NDUFS4: variants seen among roughly 807,000 people sequenced by gnomAD.
NDUFS4 encodes the protein NADH:ubiquinone oxidoreductase subunit S4.
In NDUFS4, 28 loss-of-function variants were observed where a neutral mutation model predicts 24.3. The observed-to-expected ratio is 1.15, with a 90% CI of 0.85 to 1.58. The LOEUF (loss-of-function observed/expected upper bound fraction) is 1.58, where lower values mean the gene tolerates loss of function less well. NDUFS4 is among the 40% of genes most tolerant of loss of function. The pLI is 0.00. For missense variants in NDUFS4, 223 were observed against 207.9 expected (o/e 1.07, Z -0.45); for synonymous variants, 93 against 69.7 (o/e 1.34, Z -1.67).
intron 1 of NDUFS4, among the ~76,000 whole-genome samples, chr5:53,586,174 C>T (rs914482928): frequency 1.3e-5 from 2 of 150,856 alleles, no homozygotes; most frequent in African/African-American, 4.9e-5. Context: ...ACTAAAAATA[C>T]AAAAATTAGC....
chr5:53,603,760 G>T (rs991493479), intron 2 of NDUFS4, among the ~76,000 whole-genome samples: 1 of 151,806 alleles, frequency 6.6e-6, no homozygotes, highest in Non-Finnish European at 1.5e-5. Context: ...ATTATGAAAG[G>T]TTTTCATTTT....
At chr5:53,583,390 T>A (rs1048896418) in intron 1 of NDUFS4, among the ~76,000 whole-genome samples, 1 of 152,198 alleles carries the variant, frequency 6.6e-6, no homozygotes, top group Admixed American at 6.5e-5. Flanking sequence ...TCCATGTGAT[T>A]TGGGTTATTA....
intron 2 of NDUFS4, among the ~76,000 whole-genome samples, chr5:53,625,558 G>T (rs1751194057): frequency 6.6e-6 from 1 of 152,092 alleles, no homozygotes; most frequent in Admixed American, 6.5e-5. Flanking sequence ...TTTCCACTAT[G>T]TAGTGCAATT....
chr5:53,580,663 CTCTCTTTCTT>C (rs1561339808), intron 1 of NDUFS4, among the ~76,000 whole-genome samples: 1 of 146,592 alleles, frequency 6.8e-6, no homozygotes, highest in African/African-American at 2.5e-5. Flanking sequence ...CTTTCTTTCT[CTCTCTTTCTT>C]TCTTTCTCTT....
Position 53,663,162 on chromosome 5 carries a change from T to G in NDUFS4, c.424+4538T>G, listed in dbSNP as rs187971164. 1.6e-3 allele frequency among the ~76,000 whole-genome samples: 246 copies of G among 152,322 alleles called. 1 individual carries two copies. The highest frequency in any genetic ancestry group is 5.7e-3 in the African/African-American group (236 of 41,568). On this transcript the variant is annotated intron_variant, in intron 4 of 4. Transcript: ENST00000296684. Reference sequence around the variant, plus strand: ...GAGTTTCTTAATCCTGAGTTCTAGTTTGATTGCACTGTGGTCTTAGAGACA... The same window carrying G: ...GAGTTTCTTAATCCTGAGTTCTAGTGTGATTGCACTGTGGTCTTAGAGACA...
chr5:53,635,941 T>C (rs1751540114), intron 2 of NDUFS4, among the ~76,000 whole-genome samples: 1 of 152,232 alleles, frequency 6.6e-6, no homozygotes, highest in Non-Finnish European at 1.5e-5. Flanking sequence ...TCAAATCATA[T>C]ACTACTATTA....
At chr5:53,563,102 G>A (rs10940323) in intron 1 of NDUFS4, among the ~76,000 whole-genome samples, 3 of 149,152 alleles carry the variant, frequency 2.0e-5, no homozygotes, top group Non-Finnish European at 3.0e-5. Context: ...GGCAGCGTGC[G>A]CCTGTAGTCC....
chr5:53,656,129 C>T (rs1752155671), intron 3 of NDUFS4, among the ~76,000 whole-genome samples: 1 of 151,904 alleles, frequency 6.6e-6, no homozygotes, highest in African/African-American at 2.4e-5. Context: ...TAGAGAATAC[C>T]TTATGGGAAA....
chr5:53,610,541 TA>T (rs56018812), intron 2 of NDUFS4, among the ~76,000 whole-genome samples: 14,694 of 150,072 alleles, frequency 0.098, 1,014 homozygotes, highest in Admixed American at 0.21. Context: ...AACAAAAACA[TA>T]AAAAAACAAA....
chr5:53,600,575 C>T (rs1237190168), intron 1 of NDUFS4, among the ~76,000 whole-genome samples: 1 of 152,210 alleles, frequency 6.6e-6, no homozygotes, highest in Non-Finnish European at 1.5e-5. Context: ...TCCTGAAGTG[C>T]TGGGATTACA....
intron 2 of NDUFS4, among the ~76,000 whole-genome samples, chr5:53,625,188 T>G (rs1164477664): frequency 2.6e-5 from 4 of 152,140 alleles, no homozygotes; most frequent in Non-Finnish European, 5.9e-5. Context: ...GCTCATGCAA[T>G]CTGCCTGCCT....
At chr5:53,667,288 A>T (rs1752543880) in intron 4 of NDUFS4, among the ~76,000 whole-genome samples, 1 of 152,062 alleles carries the variant, frequency 6.6e-6, no homozygotes, top group Non-Finnish European at 1.5e-5. Flanking sequence ...CAACATGGAG[A>T]ACCCTCGTCT....
intron 1 of NDUFS4, among the ~76,000 whole-genome samples, chr5:53,579,227 T>C (rs1024176732): frequency 2.6e-5 from 4 of 152,234 alleles, no homozygotes; most frequent in African/African-American, 9.6e-5. Flanking sequence ...TCATTGTTTC[T>C]TAAGAGTTTG....
chr5:53,564,527 AT>A (rs2112404559), intron 1 of NDUFS4, among the ~76,000 whole-genome samples: 1 of 152,228 alleles, frequency 6.6e-6, no homozygotes, highest in South Asian at 2.1e-4. Context: ...TCTTCGTTGA[AT>A]TTTTGTTAGG....
At chr5:53,669,421 T>C (rs146918244) in intron 4 of NDUFS4, among the ~76,000 whole-genome samples, 245 of 152,292 alleles carry the variant, frequency 1.6e-3, no homozygotes, top group African/African-American at 5.3e-3. Flanking sequence ...TTCTCATTCT[T>C]ATCCCTGCCT....
chr5:53,645,929 G>T (rs1271317894), intron 2 of NDUFS4, among the ~76,000 whole-genome samples: 1 of 152,052 alleles, frequency 6.6e-6, no homozygotes, highest in Non-Finnish European at 1.5e-5. Context: ...GTTGACTACA[G>T]GCTCTTCTGC....
chr5:53,671,384 C>T (rs1411011173), intron 4 of NDUFS4, among the ~76,000 whole-genome samples: 3 of 152,020 alleles, frequency 2.0e-5, no homozygotes, highest in African/African-American at 7.2e-5. Context: ...ACTGAATGCT[C>T]CCTATGACTT....
intron 4 of NDUFS4, among the ~76,000 whole-genome samples, chr5:53,668,616 AT>A (rs951595795): frequency 0.097 from 12,828 of 132,328 alleles, 800 homozygotes; most frequent in Admixed American, 0.2. Context: ...TGTCCAGCTA[AT>A]TTTTTTTTTT....
chr5:53,561,091 T>C (rs1487622045), intron 1 of NDUFS4, among the ~76,000 whole-genome samples: 1 of 152,144 alleles, frequency 6.6e-6, no homozygotes, highest in Admixed American at 6.5e-5. Context: ...GTCTCACTGA[T>C]TTCTGTTTCC....
Sources: allele counts gnomAD v4.1 joint callset (sites outside exome capture counted in the v4.1 genomes callset), GRCh38; gene constraint gnomAD v4.1.1; transcripts MANE v1.5; gene names NCBI Gene and HGNC (gene_info 2026-07-23, HGNC 2026-07-21).